SERGEF: variants seen among roughly 807,000 people sequenced by gnomAD.
SERGEF encodes the protein secretion regulating guanine nucleotide exchange factor.
A neutral mutation model predicts 50.0 loss-of-function variants in SERGEF; 51 were observed. That is an observed-to-expected ratio of 1.02 (90% CI 0.81 to 1.29). SERGEF has a LOEUF of 1.29. Among genes scored for constraint, SERGEF ranks in the 50% most tolerant of loss-of-function variants. The probability of loss-of-function intolerance (pLI) is 0.00; values close to 1 mark genes in which losing one functional copy is unlikely to be tolerated. For missense variants in SERGEF, 521 were observed against 557.0 expected (o/e 0.94, Z 0.65); for synonymous variants, 205 against 212.4 (o/e 0.97, Z 0.30).
chr11:17,878,564 T>C (rs1180394753), intron 9 of SERGEF, among the ~76,000 whole-genome samples: 1 of 152,244 alleles, frequency 6.6e-6, no homozygotes, highest in Non-Finnish European at 1.5e-5. Context: ...GAGCATATGT[T>C]ACTGTAAAAA....
At chr11:17,904,035 G>A (rs1430765186) in intron 9 of SERGEF, among the ~76,000 whole-genome samples, 2 of 152,272 alleles carry the variant, frequency 1.3e-5, no homozygotes, top group Non-Finnish European at 2.9e-5. Context: ...TAGAACAGAG[G>A]AGTAGGTATC....
At chr11:17,852,613 T>C (rs1346986367) in intron 10 of SERGEF, among the ~76,000 whole-genome samples, 1 of 152,024 alleles carries the variant, frequency 6.6e-6, no homozygotes, top group Non-Finnish European at 1.5e-5. Context: ...ATGTCATAAA[T>C]CATAATAAAG....
intron 10 of SERGEF, among the ~76,000 whole-genome samples, chr11:17,843,894 G>A (rs1850553505): frequency 6.6e-6 from 1 of 152,130 alleles, no homozygotes; most frequent in Non-Finnish European, 1.5e-5. Context: ...GAACCAGAGG[G>A]GTTCAGGGAA....
chr11:17,854,490 C>A (rs59571530), intron 10 of SERGEF, among the ~76,000 whole-genome samples: 1 of 152,278 alleles, frequency 6.6e-6, no homozygotes, highest in African/African-American at 2.4e-5. Flanking sequence ...CCTGCCCATT[C>A]TTCCCCTTCC....
At chr11:17,978,368 G>A (rs1295804091) in intron 8 of SERGEF, among the ~76,000 whole-genome samples, 4 of 152,196 alleles carry the variant, frequency 2.6e-5, no homozygotes, top group Non-Finnish European at 5.9e-5. Context: ...CCCATCTGTG[G>A]GGTATAGGAC....
chr11:17,895,628 G>A (rs1851605276), intron 9 of SERGEF, among the ~76,000 whole-genome samples: 1 of 152,050 alleles, frequency 6.6e-6, no homozygotes, highest in African/African-American at 2.4e-5. Flanking sequence ...TCTGTTCTGG[G>A]TGACATACAT....
At chr11:17,790,264 C>T (rs1031513898) in intron 10 of SERGEF, among the ~76,000 whole-genome samples, 1 of 152,138 alleles carries the variant, frequency 6.6e-6, no homozygotes, top group African/African-American at 2.4e-5. Context: ...TATTTTTCTA[C>T]ATAGATGTGT....
At chr11:17,986,832 G>C (rs778350696) in intron 8 of SERGEF, among the ~76,000 whole-genome samples, 10 of 152,152 alleles carry the variant, frequency 6.6e-5, no homozygotes, top group Non-Finnish European at 7.3e-5. Flanking sequence ...TTTGCCCTTT[G>C]TACTTAGCTG....
At chr11:17,854,436 ATCTACCCAG>A (rs1252471201) in intron 10 of SERGEF, among the ~76,000 whole-genome samples, 1 of 152,170 alleles carries the variant, frequency 6.6e-6, no homozygotes, top group Admixed American at 6.5e-5. Context: ...ATGATGACAT[ATCTACCCAG>A]TCTACCAAGG....
chr11:17,832,738 T>C (rs1186960816), intron 10 of SERGEF, among the ~76,000 whole-genome samples: 2 of 152,164 alleles, frequency 1.3e-5, no homozygotes, highest in East Asian at 1.9e-4. Flanking sequence ...GATGAAGAAT[T>C]TGTTGGGAAC....
chr11:17,830,685 A>AGC lies in SERGEF; in HGVS notation c.1049-42273_1049-42272insGC, dbSNP rs1554999499. The stretch of plus-strand genomic sequence containing the variant: ...GAGAGAGAGAGAGAGAGAGAGAGAG[A>AGC]GAGCACATGTACATGCAAGAGTAAG... On this transcript the variant is annotated intron_variant, in intron 10 of 10. Transcript: ENST00000265965. Among the ~76,000 whole-genome samples, 437 of 118,966 alleles carry AGC rather than the reference A, an allele frequency of 3.7e-3. 28 individuals carry two copies. In the Middle Eastern group the frequency reaches 0.04, roughly 11 times the overall value. 78.0% of individuals were successfully genotyped at this position (118,966 alleles called of 152,430 possible). A position where few individuals can be genotyped will look rare whatever the true frequency, so the allele number is the denominator to read the frequency against.
chr11:17,848,742 G>GT lies in SERGEF; in HGVS notation c.1048+29465dup, dbSNP rs1850661108. On this transcript the variant is annotated intron_variant, in intron 10 of 10. Transcript: ENST00000265965. The stretch of plus-strand genomic sequence containing the variant: ...TATGATGAACATCTTTAACCATAAA[G>GT]TTTTTTTCCATATTTAAGATCTTTC... Among the ~76,000 whole-genome samples, 4 of 152,196 alleles carry GT rather than the reference G, an allele frequency of 2.6e-5. No homozygotes were observed. The South Asian group carries it at 6.3e-4, about 24-fold the overall frequency.
At chr11:17,810,514 T>C (rs1849849082) in intron 10 of SERGEF, among the ~76,000 whole-genome samples, 2 of 152,142 alleles carry the variant, frequency 1.3e-5, no homozygotes, top group African/African-American at 4.8e-5. Context: ...CCCTCAAAAT[T>C]CTACCGAACA....
At position 17,926,288 on chromosome 11, in the gene SERGEF, C is replaced by G. The variant is rs566078162; in HGVS notation, c.1011+33182G>C. Among the ~76,000 whole-genome samples, 14 of 152,058 alleles carry G rather than the reference C, an allele frequency of 9.2e-5. No individual in the cohort carries two copies. In the South Asian group the frequency reaches 2.9e-3, roughly 32 times the overall value. ...GTACAAATGATGATGGGGAGAGGAG[C>G]CTCTGCCACCTCTGCTACCCTAGAG... On this transcript the variant is annotated intron_variant, in intron 9 of 10. Coordinates refer to ENST00000265965, the MANE Select transcript of SERGEF (RefSeq NM_012139.4).
rs188538472 is a variant in SERGEF at position 17,903,611 on chromosome 11, G to A, written c.1012-25367C>T. Among the ~76,000 whole-genome samples, 512 of 152,336 alleles carry A rather than the reference G, an allele frequency of 3.4e-3. 1 individual carries two copies. The highest frequency in any genetic ancestry group is 6.9e-3 in the Admixed American group (106 of 15,308). The stretch of plus-strand genomic sequence containing the variant: ...AAGCAATGGAAGCTGACATTGTAGA[G>A]GCTGCAACCAGGACAGACATTTCCA... On this transcript the variant is annotated intron_variant, in intron 9 of 10. Coordinates refer to ENST00000265965, the MANE Select transcript of SERGEF (RefSeq NM_012139.4).
chr11:17,877,548 G>C (rs1211240056), intron 10 of SERGEF, among the ~76,000 whole-genome samples: 1 of 152,182 alleles, frequency 6.6e-6, no homozygotes, highest in Admixed American at 6.5e-5. Flanking sequence ...TGGCTAGTAA[G>C]TAGAAGTCTG....
At chr11:17,960,384 A>G (rs1852972118) in intron 8 of SERGEF, among the ~76,000 whole-genome samples, 1 of 152,234 alleles carries the variant, frequency 6.6e-6, no homozygotes, top group South Asian at 2.1e-4. Flanking sequence ...TCTCCTAGAT[A>G]AGAGAAAATT....
chr11:17,885,283 A>G (rs919334578), intron 9 of SERGEF, among the ~76,000 whole-genome samples: 1 of 152,144 alleles, frequency 6.6e-6, no homozygotes, highest in Non-Finnish European at 1.5e-5. Flanking sequence ...TTAGCAACCA[A>G]TGACTTTAAG....
intron 9 of SERGEF, among the ~76,000 whole-genome samples, chr11:17,950,463 T>C (rs967189701): frequency 6.6e-6 from 1 of 152,144 alleles, no homozygotes; most frequent in African/African-American, 2.4e-5. Flanking sequence ...TTTCTAAGAG[T>C]CTAAAGAAAA....
Sources: gnomAD v4.1 joint callset for allele counts (sites outside exome capture counted in the v4.1 genomes callset) on GRCh38, gnomAD v4.1.1 for gene constraint, MANE v1.5 for transcripts, NCBI Gene and HGNC (gene_info 2026-07-23, HGNC 2026-07-21) for gene names.